The following RAI14 variants were observed in gnomAD, a reference collection of about 807,000 sequenced individuals.
RAI14 encodes the protein ankycorbin.
A neutral mutation model predicts 115.4 loss-of-function variants in RAI14; 45 were observed. The ratio of observed to expected loss-of-function variants is 0.39; its 90% CI spans 0.31 to 0.50. The LOEUF (loss-of-function observed/expected upper bound fraction) is 0.50, where lower values mean the gene tolerates loss of function less well. Ranked by LOEUF, RAI14 falls within the 20% of genes least tolerant of loss-of-function variation. The pLI is 0.85. For missense variants in RAI14, 939 were observed against 1,131.2 expected (o/e 0.83, Z 2.44); for synonymous variants, 371 against 415.4 (o/e 0.89, Z 1.30).
intron 2 of RAI14, among the ~76,000 whole-genome samples, chr5:34,726,925 C>T (rs1743542893): frequency 6.6e-6 from 1 of 152,140 alleles, no homozygotes; most frequent in African/African-American, 2.4e-5. Flanking sequence ...CAGACTAATA[C>T]AGTAAGTTGG....
At chr5:34,775,228 A>T (rs759973565) in intron 3 of RAI14, among the ~76,000 whole-genome samples, 6 of 152,208 alleles carry the variant, frequency 3.9e-5, no homozygotes, top group Non-Finnish European at 5.9e-5. Context: ...GTAATACCTG[A>T]CAAGCACAAA....
chr5:34,682,516 A>T (rs1377709537), intron 1 of RAI14, among the ~76,000 whole-genome samples: 1 of 150,866 alleles, frequency 6.6e-6, no homozygotes, highest in Non-Finnish European at 1.5e-5. Context: ...AAATGAACTG[A>T]TAATAAACAA....
chr5:34,694,520 C>G (rs1413446124), intron 2 of RAI14, among the ~76,000 whole-genome samples: 2 of 152,172 alleles, frequency 1.3e-5, no homozygotes, highest in Non-Finnish European at 2.9e-5. Flanking sequence ...GTCAGTGTGT[C>G]CTGGTCAACT....
chr5:34,766,769 G>A, intron 3 of RAI14, among the ~76,000 whole-genome samples: 1 of 152,116 alleles, frequency 6.6e-6, no homozygotes, highest in African/African-American at 2.4e-5. Context: ...GAGATTTGGA[G>A]GGACCAGGGG....
At chr5:34,684,208 A>T (rs962052972) in intron 1 of RAI14, among the ~76,000 whole-genome samples, 10 of 152,194 alleles carry the variant, frequency 6.6e-5, no homozygotes, top group African/African-American at 2.4e-4. Context: ...CCCAACTCTG[A>T]CAAGTGTGTT....
At chr5:34,778,681 C>T (rs946175674) in intron 3 of RAI14, among the ~76,000 whole-genome samples, 16 of 151,248 alleles carry the variant, frequency 1.1e-4, no homozygotes, top group Non-Finnish European at 1.3e-4. Context: ...TTGGGAGAAT[C>T]GCTTGAGGCC....
At chr5:34,786,238 CAG>C (rs1752282118) in intron 3 of RAI14, among the ~76,000 whole-genome samples, 1 of 152,194 alleles carries the variant, frequency 6.6e-6, no homozygotes. Context: ...TGTATCCTAA[CAG>C]GGAACTGCCA....
intron 1 of RAI14, among the ~76,000 whole-genome samples, chr5:34,682,623 GTGGTGGCCAGTGATGAT>G (rs921244223): frequency 1.1e-4 from 17 of 152,278 alleles, no homozygotes; most frequent in African/African-American, 3.6e-4. Flanking sequence ...TCTGTGATGA[GTGGTGGCCAGTGATGAT>G]TGGTGGCCAG....
chr5:34,730,427 A>G (rs1378675803), intron 2 of RAI14, among the ~76,000 whole-genome samples: 1 of 152,204 alleles, frequency 6.6e-6, no homozygotes, highest in Non-Finnish European at 1.5e-5. Flanking sequence ...CTGTAATCCC[A>G]GCACTCTGGG....
At chr5:34,696,268 G>T (rs932331674) in intron 2 of RAI14, among the ~76,000 whole-genome samples, 9 of 152,006 alleles carry the variant, frequency 5.9e-5, no homozygotes, top group Non-Finnish European at 1.3e-4. Flanking sequence ...CCTCTGAGTA[G>T]CTGGGACTAC....
Position 34,782,325 on chromosome 5 carries a change from G to A in RAI14, c.168-13614G>A, listed in dbSNP as rs62355693. Reference sequence around the variant, plus strand: ...ATAAAAGCAAAGGCAGCATTATCACGGTGAGCTACTTCTCCCAGGAGTCAG... The same window carrying A: ...ATAAAAGCAAAGGCAGCATTATCACAGTGAGCTACTTCTCCCAGGAGTCAG... On this transcript the variant is annotated intron_variant, in intron 3 of 17. Coordinates refer to ENST00000265109, the MANE Select transcript of RAI14 (RefSeq NM_015577.3). 1.3e-3 allele frequency among the ~76,000 whole-genome samples: 197 copies of A among 152,054 alleles called. 1 individual carries two copies. Among genetic ancestry groups the A allele is most frequent in the Non-Finnish European group, 9.6e-4 (65 of 68,012 alleles).
intron 3 of RAI14, among the ~76,000 whole-genome samples, chr5:34,782,073 G>A (rs1361488935): frequency 6.6e-6 from 1 of 152,206 alleles, no homozygotes; most frequent in Non-Finnish European, 1.5e-5. Context: ...TATTGTTTGT[G>A]GTTCAGGAAT....
chr5:34,762,929 ATGTGTGTGTGTGTGTGTG>A (rs34495404), intron 3 of RAI14, among the ~76,000 whole-genome samples: 6 of 129,042 alleles, frequency 4.6e-5, no homozygotes, highest in African/African-American at 1.1e-4. Context: ...GAGTGTGTGC[ATGTGTGTGTGTGTGTGTG>A]TGTGTGTGTG....
chr5:34,679,981 C>T (rs764387003), intron 1 of RAI14, among the ~76,000 whole-genome samples: 15 of 152,286 alleles, frequency 9.8e-5, no homozygotes, highest in South Asian at 6.2e-4. Flanking sequence ...CTTTGTTCTG[C>T]GTGTTCACCT....
chr5:34,824,215 A>T lies in RAI14; in HGVS notation c.2373A>T (p.Lys791Asn), dbSNP rs1171992418. 6.2e-7 allele frequency: 1 copy of T among 1,613,856 alleles called. No individual in the cohort carries two copies. The highest frequency in any genetic ancestry group is 1.1e-5 in the South Asian group (1 of 91,040). Residue 791 changes from lysine to asparagine, a missense_variant, in exon 15 of 18, where the codon AAA becomes AAT. Lys to Asn is a moderately conservative substitution (Grantham distance 94). Coordinates refer to ENST00000265109, the MANE Select transcript of RAI14 (RefSeq NM_015577.3). ...TGGTACCTCGGTCTTCCTATGAAAA[A>T]CTCCAGTCATCCTTAGAGAGTGAAG... is the stretch of plus-strand genomic sequence containing the variant. ...DAMVPRSSYEKLQSSLESEVS... is the reference protein window; with the variant it reads ...DAMVPRSSYENLQSSLESEVS...
intron 3 of RAI14, among the ~76,000 whole-genome samples, chr5:34,778,222 T>C (rs1309273228): frequency 1.3e-5 from 2 of 152,228 alleles, no homozygotes; most frequent in African/African-American, 4.8e-5. Context: ...GTAGTGCTAC[T>C]CAAACTTGGA....
chr5:34,768,176 T>C (rs115928912), intron 3 of RAI14, among the ~76,000 whole-genome samples: 3,069 of 149,898 alleles, frequency 0.02, 126 homozygotes, highest in African/African-American at 0.071. Context: ...TCAGTGTGAC[T>C]TGGATGTGAG....
intron 3 of RAI14, among the ~76,000 whole-genome samples, chr5:34,771,232 A>G (rs963723563): frequency 6.6e-6 from 1 of 152,162 alleles, no homozygotes; most frequent in Middle Eastern, 3.4e-3. Flanking sequence ...ACGTCCTAAC[A>G]CTCTGGTATT....
chr5:34,740,519 A>C (rs755610686), intron 2 of RAI14, among the ~76,000 whole-genome samples: 1 of 152,206 alleles, frequency 6.6e-6, no homozygotes, highest in East Asian at 1.9e-4. Flanking sequence ...TGACTTTTCC[A>C]AAGTTCTCCA....
Sources: allele counts gnomAD v4.1 joint callset (sites outside exome capture counted in the v4.1 genomes callset), GRCh38; gene constraint gnomAD v4.1.1; transcripts MANE v1.5; gene names NCBI Gene and HGNC (gene_info 2026-07-23, HGNC 2026-07-21).